Variants in CTNND2 observed in about 807,000 individuals in gnomAD.
CTNND2 encodes the protein catenin delta-2.
CTNND2 carries 22 observed loss-of-function variants against 144.4 expected under a neutral mutation model. That is an observed-to-expected ratio of 0.15 (90% CI 0.11 to 0.22). The LOEUF is 0.22. CTNND2 is among the 10% of genes least tolerant of loss of function. The pLI, the probability that CTNND2 is intolerant of heterozygous loss-of-function variation, is 1.00. For missense variants in CTNND2, 1,353 were observed against 1,618.8 expected (o/e 0.84, Z 2.82); for synonymous variants, 751 against 695.6 (o/e 1.08, Z -1.25).
At chr5:11,753,641 T>C (rs895849937) in intron 1 of CTNND2, among the ~76,000 whole-genome samples, 3 of 151,880 alleles carry the variant, frequency 2.0e-5, no homozygotes, top group Admixed American at 6.6e-5. Context: ...TCTTTTTTTG[T>C]TGTGTCTCTA....
At chr5:11,263,326 T>C (rs1398564744) in intron 9 of CTNND2, among the ~76,000 whole-genome samples, 1 of 152,154 alleles carries the variant, frequency 6.6e-6, no homozygotes, top group Non-Finnish European at 1.5e-5. Flanking sequence ...GTATTTTAAA[T>C]AGAGCAACCA....
chr5:11,636,026 C>T (rs1006181830), intron 2 of CTNND2, among the ~76,000 whole-genome samples: 2 of 97,634 alleles, frequency 2.0e-5, no homozygotes, highest in African/African-American at 4.1e-5. Context: ...ATGGTTTAAT[C>T]CCCCCCCACC....
At chr5:11,704,737 T>C (rs922159639) in intron 2 of CTNND2, among the ~76,000 whole-genome samples, 4 of 151,810 alleles carry the variant, frequency 2.6e-5, no homozygotes, top group Admixed American at 6.6e-5. Flanking sequence ...AGCCCAACTA[T>C]GATATAGCTG....
chr5:11,895,079 T>C (rs534097075), intron 1 of CTNND2, among the ~76,000 whole-genome samples: 1 of 152,066 alleles, frequency 6.6e-6, no homozygotes, highest in South Asian at 2.1e-4. Flanking sequence ...CTAAAAACAG[T>C]GTCCTGGCTC....
chr5:11,255,468 GGTTTCAAACA>G (rs1350259972), intron 9 of CTNND2, among the ~76,000 whole-genome samples: 8 of 152,256 alleles, frequency 5.3e-5, no homozygotes, highest in African/African-American at 1.9e-4. Flanking sequence ...CAGCTAGGGA[GGTTTCAAACA>G]TCTTTCAAAA....
At chr5:11,792,436 A>T (rs1791185500) in intron 1 of CTNND2, among the ~76,000 whole-genome samples, 1 of 152,234 alleles carries the variant, frequency 6.6e-6, no homozygotes, top group Non-Finnish European at 1.5e-5. Context: ...TTTTTAAGTA[A>T]TTCAAAAGTA....
At chr5:11,111,476 C>A (rs538689124) in intron 13 of CTNND2, among the ~76,000 whole-genome samples, 4 of 152,078 alleles carry the variant, frequency 2.6e-5, no homozygotes, top group African/African-American at 7.2e-5. Flanking sequence ...TACTGCCCAC[C>A]GGAGCATTTT....
At chr5:11,622,397 C>T (rs1780892613) in intron 2 of CTNND2, among the ~76,000 whole-genome samples, 1 of 152,112 alleles carries the variant, frequency 6.6e-6, no homozygotes, top group African/African-American at 2.4e-5. Context: ...CAATTGCATG[C>T]AACTACATAT....
chr5:11,156,646 T>A (rs543138975), intron 12 of CTNND2, among the ~76,000 whole-genome samples: 55 of 152,282 alleles, frequency 3.6e-4, no homozygotes, highest in Middle Eastern at 3.4e-3. Flanking sequence ...TTATCTAAAA[T>A]ATGCCTTAAA....
chr5:11,828,732 A>G (rs1404429044), intron 1 of CTNND2, among the ~76,000 whole-genome samples: 1 of 152,124 alleles, frequency 6.6e-6, no homozygotes, highest in African/African-American at 2.4e-5. Flanking sequence ...CAGCAGTGTG[A>G]AAATGGACTA....
intron 16 of CTNND2, among the ~76,000 whole-genome samples, chr5:11,074,722 C>G (rs1486243073): frequency 1.3e-5 from 2 of 152,172 alleles, no homozygotes. Flanking sequence ...TAAGTAAAGA[C>G]CTGGCATGGA....
At chr5:11,833,648 C>A (rs920638270) in intron 1 of CTNND2, among the ~76,000 whole-genome samples, 3 of 152,028 alleles carry the variant, frequency 2.0e-5, no homozygotes, top group Non-Finnish European at 2.9e-5. Context: ...CTCAGCCTCC[C>A]GAGTAGCTGG....
At chr5:11,018,108 C>T in intron 17 of CTNND2, 50 bp from the exon 18 acceptor site, 1 of 1,240,854 alleles carries the variant, frequency 8.1e-7, no homozygotes, top group Non-Finnish European at 1.2e-6. Context: ...ACAGCTGTGT[C>T]ACATTTCTGT....
chr5:11,598,322 A>G (rs1204477705), intron 2 of CTNND2, among the ~76,000 whole-genome samples: 1 of 152,028 alleles, frequency 6.6e-6, no homozygotes, highest in Non-Finnish European at 1.5e-5. Flanking sequence ...CTACACCACA[A>G]CCAAGGGGGA....
intron 3 of CTNND2, among the ~76,000 whole-genome samples, chr5:11,445,880 C>T (rs923484741): frequency 1.3e-5 from 2 of 152,168 alleles, no homozygotes; most frequent in African/African-American, 2.4e-5. Flanking sequence ...AACAATTAAA[C>T]GTAAATGTAA....
intron 3 of CTNND2, among the ~76,000 whole-genome samples, chr5:11,505,408 A>T (rs1168295672): frequency 6.6e-6 from 1 of 152,166 alleles, no homozygotes; most frequent in African/African-American, 2.4e-5. Flanking sequence ...TGGTAAATAA[A>T]TCAACACTCA....
intron 10 of CTNND2, among the ~76,000 whole-genome samples, chr5:11,236,075 A>G (rs1432586053): frequency 6.6e-6 from 1 of 152,266 alleles, no homozygotes. Flanking sequence ...ATCACACAGC[A>G]TAATATATGC....
At chr5:11,877,504 G>A (rs1735652588) in intron 1 of CTNND2, among the ~76,000 whole-genome samples, 2 of 152,078 alleles carry the variant, frequency 1.3e-5, no homozygotes, top group African/African-American at 2.4e-5. Flanking sequence ...ATAAGCATAT[G>A]TAATTTTTAA....
intron 2 of CTNND2, among the ~76,000 whole-genome samples, chr5:11,648,172 C>CTTTTTT (rs5865960): frequency 7.6e-6 from 1 of 132,444 alleles, no homozygotes. Flanking sequence ...AGAACAGTGA[C>CTTTTTT]TTTTTTTTTT....
Sources: gnomAD v4.1 joint callset for allele counts (sites outside exome capture counted in the v4.1 genomes callset) on GRCh38, gnomAD v4.1.1 for gene constraint, MANE v1.5 for transcripts, NCBI Gene and HGNC (gene_info 2026-07-23, HGNC 2026-07-21) for gene names.